Variants in MGAT4C observed in about 807,000 individuals in gnomAD.
The protein encoded by MGAT4C is alpha-1,3-mannosyl-glycoprotein 4-beta-N-acetylglucosaminyltransferase C.
MGAT4C carries 19 observed loss-of-function variants against 40.1 expected under a neutral mutation model. The observed-to-expected ratio is 0.47, with a 90% CI of 0.33 to 0.70. The LOEUF (loss-of-function observed/expected upper bound fraction) is 0.70. Ranked by LOEUF, MGAT4C falls within the 30% of genes least tolerant of loss-of-function variation. The pLI, the probability that MGAT4C is intolerant of heterozygous loss-of-function variation, is 0.02. For synonymous variants in MGAT4C, 181 were observed against 187.1 expected (o/e 0.97, Z 0.27); for missense variants, 491 against 563.2 (o/e 0.87, Z 1.30).
rs1460974377 is a variant in MGAT4C at position 86,817,153 on chromosome 12, A to T, written c.-262+21513T>A. 2.0e-5 allele frequency among the ~76,000 whole-genome samples: 3 copies of T among 151,122 alleles called. No homozygotes were observed. The East Asian group carries it at 5.8e-4, about 29-fold the overall frequency. ...TCATGATATAAAATATAGAATATATATTTTAATTTATACACTACTTTATTC... is the reference window on the plus strand; with the variant it reads ...TCATGATATAAAATATAGAATATATTTTTTAATTTATACACTACTTTATTC... On this transcript the variant is annotated intron_variant, in intron 1 of 7. Transcript: ENST00000548651.
Position 86,485,291 on chromosome 12 carries a change from C to G in MGAT4C, c.-228-50026G>C, listed in dbSNP as rs918570307. Among the ~76,000 whole-genome samples, 3 of 152,160 alleles carry G rather than the reference C, an allele frequency of 2.0e-5. 1 individual carries two copies. The highest frequency in any genetic ancestry group is 7.2e-5 in the African/African-American group (3 of 41,522). On this transcript the variant is annotated intron_variant, in intron 2 of 7. Coordinates refer to the MGAT4C transcript ENST00000548651. ...GAATCTGGATGACAAATAAGCTTAT[C>G]AAGGTTCAGGAACAAGTTGAAACCC...
intron 2 of MGAT4C, among the ~76,000 whole-genome samples, chr12:86,539,506 C>A (rs1441975259): frequency 6.6e-6 from 1 of 152,184 alleles, no homozygotes; most frequent in East Asian, 1.9e-4. Context: ...GTCTTTATAG[C>A]AGCATGATTT....
Position 86,033,089 on chromosome 12 carries a change from AT to A in MGAT4C, c.-7+16584del, listed in dbSNP as rs1221976777. Among the ~76,000 whole-genome samples, 3 of 149,380 alleles carry A rather than the reference AT, an allele frequency of 2.0e-5. No individual in the cohort carries two copies. In the East Asian group the frequency reaches 5.8e-4, roughly 29 times the overall value. On this transcript the variant is annotated intron_variant, in intron 2 of 4. Transcript: ENST00000611864. Reference sequence around the variant, plus strand: ...CAGATGGTTTTAGCTGTGCAGCATTATTTCTGTGATCTCTATTCTGTTCCTT... The same window carrying A: ...CAGATGGTTTTAGCTGTGCAGCATTATTCTGTGATCTCTATTCTGTTCCTT...
chr12:86,616,804 C>T (rs1319658589), intron 2 of MGAT4C, among the ~76,000 whole-genome samples: 2 of 151,232 alleles, frequency 1.3e-5, no homozygotes, highest in Non-Finnish European at 2.9e-5. Flanking sequence ...GAAAAGTAAA[C>T]ATATGTATCC....
chr12:86,588,423 A>G (rs1463675122), intron 2 of MGAT4C, among the ~76,000 whole-genome samples: 2 of 152,028 alleles, frequency 1.3e-5, no homozygotes, highest in Admixed American at 1.3e-4. Flanking sequence ...GTGACCTACA[A>G]AGAGACTTAG....
intron 2 of MGAT4C, among the ~76,000 whole-genome samples, chr12:86,553,368 C>T (rs1959457122): frequency 6.6e-6 from 1 of 152,034 alleles, no homozygotes; most frequent in Non-Finnish European, 1.5e-5. Flanking sequence ...CTCACACCTA[C>T]TCTAAATTCT....
At chr12:86,090,157 A>G (rs1409915374) in intron 1 of MGAT4C, among the ~76,000 whole-genome samples, 1 of 151,652 alleles carries the variant, frequency 6.6e-6, no homozygotes, top group Non-Finnish European at 1.5e-5. Context: ...ATTTCATAGA[A>G]TGTTTGCTGA....
At chr12:86,131,767 C>A (rs915612259) in intron 1 of MGAT4C, among the ~76,000 whole-genome samples, 3 of 151,270 alleles carry the variant, frequency 2.0e-5, no homozygotes, top group African/African-American at 7.3e-5. Flanking sequence ...CTGCACAATA[C>A]AACCGTTAAG....
chr12:86,175,017 C>A (rs1887245443), intron 1 of MGAT4C, among the ~76,000 whole-genome samples: 1 of 151,866 alleles, frequency 6.6e-6, no homozygotes, highest in East Asian at 1.9e-4. Flanking sequence ...GCATAAATTT[C>A]TATATGAGAA....
At chr12:86,412,225 G>T (rs947966291) in intron 3 of MGAT4C, among the ~76,000 whole-genome samples, 1 of 152,214 alleles carries the variant, frequency 6.6e-6, no homozygotes, top group Non-Finnish European at 1.5e-5. Flanking sequence ...CTTCCTAGGG[G>T]AGCTGTGAGA....
chr12:86,087,667 C>T (rs1011769246), intron 1 of MGAT4C, among the ~76,000 whole-genome samples: 2 of 151,798 alleles, frequency 1.3e-5, no homozygotes, highest in Non-Finnish European at 2.9e-5. Context: ...AATAAAATAC[C>T]TAGGAATACA....
chr12:86,140,169 A>C (rs560083331), intron 1 of MGAT4C, among the ~76,000 whole-genome samples: 1 of 152,246 alleles, frequency 6.6e-6, no homozygotes, highest in African/African-American at 2.4e-5. Flanking sequence ...CCTCTGATTA[A>C]CTTTTCTCCT....
chr12:86,171,627 G>A (rs1008256261), intron 1 of MGAT4C, among the ~76,000 whole-genome samples: 1 of 152,094 alleles, frequency 6.6e-6, no homozygotes, highest in Admixed American at 6.6e-5. Flanking sequence ...TATTGCAGCG[G>A]GGTTTAAAAT....
chr12:86,673,372 T>C lies in MGAT4C; in HGVS notation c.-229+53837A>G, dbSNP rs531290945. 1.2e-3 allele frequency among the ~76,000 whole-genome samples: 176 copies of C among 152,268 alleles called. 1 individual carries two copies. Among genetic ancestry groups the C allele is most frequent in the Non-Finnish European group, 2.0e-3 (138 of 68,002 alleles). The stretch of plus-strand genomic sequence containing the variant: ...CCTTTTAGAGTTGTTTTGTTTATCA[T>C]TGTGAGAAAGCACCCGTATCATATA... On this transcript the variant is annotated intron_variant, in intron 2 of 7. Coordinates refer to the MGAT4C transcript ENST00000548651.
chr12:86,197,277 G>A (rs1949852056), intron 1 of MGAT4C, among the ~76,000 whole-genome samples: 1 of 152,148 alleles, frequency 6.6e-6, no homozygotes, highest in Non-Finnish European at 1.5e-5. Context: ...TCTCTAAGAT[G>A]AGACATTTTC....
rs185346794 is a variant in MGAT4C, at chr12:86,666,184, A to G, written c.-229+61025T>C. ...TCTATTTTTGCAGACAATGTCACAA[A>G]GGTACCATTAGATTCGTAGCTGGTT... On this transcript the variant is annotated intron_variant, in intron 2 of 7. Coordinates refer to the MGAT4C transcript ENST00000548651. Among the ~76,000 whole-genome samples the G allele has an allele frequency of 2.5e-3, 374 of 152,342 alleles. 1 individual carries two copies. The highest frequency in any genetic ancestry group is 4.5e-3 in the Non-Finnish European group (306 of 68,034).
At position 85,989,381 on chromosome 12, in the gene MGAT4C, A is replaced by G; in HGVS notation, c.147+19T>C. The stretch of plus-strand genomic sequence containing the variant: ...TATGCCTTATTTTGAAGAAAAGACA[A>G]TCAACCTCCCAAACTTACCAGAACA... On this transcript the variant is annotated intron_variant, in intron 3 of 4. Transcript: ENST00000611864. 6.4e-7 allele frequency: 1 copy of G among 1,551,284 alleles called. No individual in the cohort carries two copies. The highest frequency in any genetic ancestry group is 8.7e-7 in the Non-Finnish European group (1 of 1,150,232).
chr12:86,283,539 T>C lies in MGAT4C; in HGVS notation c.-57+50526A>G, dbSNP rs565227910. Among the ~76,000 whole-genome samples the C allele has an allele frequency of 3.3e-5, 5 of 152,048 alleles. No homozygotes were observed. The East Asian group carries it at 9.7e-4, about 29-fold the overall frequency. ...AATCTCCACAATGGAACAAGTTTGG[T>C]TTCTTCTTAACTATTCTAGTTTTTA... On this transcript the variant is annotated intron_variant, in intron 4 of 7. Transcript: ENST00000548651.
intron 2 of MGAT4C, among the ~76,000 whole-genome samples, chr12:86,501,635 G>C (rs999136875): frequency 1.3e-5 from 2 of 151,872 alleles, no homozygotes; most frequent in African/African-American, 4.8e-5. Flanking sequence ...GAGCATAATG[G>C]CTCTCAGGTT....
Sources: allele counts gnomAD v4.1 joint callset (sites outside exome capture counted in the v4.1 genomes callset), GRCh38; gene constraint gnomAD v4.1.1; transcripts MANE v1.5; gene names NCBI Gene and HGNC (gene_info 2026-07-23, HGNC 2026-07-21).